SNX13: variants seen among roughly 807,000 people sequenced by gnomAD.
SNX13 encodes the protein sorting nexin-13.
Under a neutral mutation model 133.6 loss-of-function variants are expected in SNX13, and 45 were observed. The ratio of observed to expected loss-of-function variants is 0.34; its 90% CI spans 0.27 to 0.43. SNX13 has a LOEUF of 0.43. Among genes scored for constraint, SNX13 ranks in the 20% least tolerant of loss-of-function variants. The probability of loss-of-function intolerance (pLI) is 1.00; values close to 1 mark genes in which losing one functional copy is unlikely to be tolerated. For missense variants in SNX13, 1,032 were observed against 1,145.1 expected, an observed-to-expected ratio of 0.90 and a Z score of 1.43; for synonymous variants, 414 against 373.9, an observed-to-expected ratio of 1.11 and a Z score of -1.24.
At chr7:17,818,029 C>T (rs1475761954) in intron 18 of SNX13, among the ~76,000 whole-genome samples, 1 of 152,084 alleles carries the variant, frequency 6.6e-6, no homozygotes, top group Non-Finnish European at 1.5e-5. Context: ...TGACTGGTAT[C>T]CTATCAGAAA....
intron 15 of SNX13, chr7:17,831,078 T>C: frequency 2.0e-6 from 2 of 984,446 alleles, no homozygotes; most frequent in Non-Finnish European, 2.4e-6. Context: ...TCCTACCTCT[T>C]CTGTAGTGTG....
chr7:17,818,139 C>T (rs1199440249), intron 18 of SNX13, among the ~76,000 whole-genome samples: 1 of 152,052 alleles, frequency 6.6e-6, no homozygotes, highest in African/African-American at 2.4e-5. Flanking sequence ...AGCCAAGAAG[C>T]GAGGCCTCAC....
intron 12 of SNX13, among the ~76,000 whole-genome samples, chr7:17,841,749 A>G (rs1318995043): frequency 1.3e-5 from 2 of 152,074 alleles, no homozygotes; most frequent in African/African-American, 4.8e-5. Context: ...AAAAGACTAA[A>G]GAAAGATGTA....
chr7:17,829,597 G>C (rs1307156398), intron 16 of SNX13, among the ~76,000 whole-genome samples: 1 of 151,146 alleles, frequency 6.6e-6, no homozygotes, highest in Non-Finnish European at 1.5e-5. Flanking sequence ...ATCCCCACTA[G>C]TTTTGTATTT....
At position 17,821,558 on chromosome 7, in the gene SNX13, T is replaced by C. The variant is rs1457143488; in HGVS notation, c.1796A>G (p.Tyr599Cys). 3.1e-6 allele frequency: 5 copies of C among 1,613,570 alleles called. No homozygotes were observed. The highest frequency in any genetic ancestry group is 1.3e-5 in the African/African-American group (1 of 74,908). Residue 599 changes from tyrosine to cysteine, a missense_variant, in exon 18 of 26, where the codon TAT (tyrosine) becomes TGT (cysteine). Tyr to Cys is a radical substitution (Grantham distance 194). Transcript: ENST00000428135. ...GTCATGGAAGTCACTATAACGACGATAGGTTTTCCACATCTCCTCACTGTT... is the reference window on the plus strand; with the variant it reads ...GTCATGGAAGTCACTATAACGACGACAGGTTTTCCACATCTCCTCACTGTT... ...NLNSEEMWKTYRRYSDFHDFH... is the reference protein window; with the variant it reads ...NLNSEEMWKTCRRYSDFHDFH...
At chr7:17,816,667 A>AAACAAC (rs111526779) in intron 18 of SNX13, among the ~76,000 whole-genome samples, 10 of 152,168 alleles carry the variant, frequency 6.6e-5, no homozygotes, top group African/African-American at 2.2e-4. Flanking sequence ...CCGTCTCAAA[A>AAACAAC]AACAACAACA....
chr7:17,935,433 GATCA>G (rs1310393578), intron 1 of SNX13, among the ~76,000 whole-genome samples: 2 of 152,128 alleles, frequency 1.3e-5, no homozygotes, highest in Admixed American at 6.5e-5. Context: ...GAAATTTTTA[GATCA>G]ATTAAACAAC....
chr7:17,933,075 C>T (rs899657979), intron 1 of SNX13, among the ~76,000 whole-genome samples: 1 of 152,182 alleles, frequency 6.6e-6, no homozygotes, highest in Non-Finnish European at 1.5e-5. Flanking sequence ...CAATCTCCAG[C>T]ACGAGTTATA....
Position 17,798,692 on chromosome 7 carries a change from G to T in SNX13, c.2511C>A (p.Phe837Leu). The change falls in exon 24 of 26, where the codon TTC becomes TTA. Residue 837 changes from phenylalanine to leucine, a missense_variant and splice_region_variant. By Grantham distance (22) the Phe-to-Leu change is conservative (BLOSUM62 0). Coordinates refer to ENST00000428135, the MANE Select transcript of SNX13 (RefSeq NM_015132.5). The stretch of plus-strand genomic sequence containing the variant: ...AGTGACTGTGTCTTAAGATATACCT[G>T]AAACGTTTCACTGAGTCGGCTACTT... ...PEQVADSVKR[F>L]RDAFWPNGIL... 1 of 1,573,976 alleles carries T rather than the reference G, an allele frequency of 6.4e-7. No individual in the cohort carries two copies. Among genetic ancestry groups the T allele is most frequent in the African/African-American group, 1.4e-5 (1 of 73,722 alleles).
intron 5 of SNX13, among the ~76,000 whole-genome samples, chr7:17,886,604 T>C (rs556703636): frequency 6.6e-6 from 1 of 151,738 alleles, no homozygotes; most frequent in South Asian, 2.1e-4. Flanking sequence ...AAAAAAAGAA[T>C]ATATTATGTA....
rs1381677263 is a variant in SNX13, at chr7:17,897,425, A to T, written c.34T>A (p.Trp12Arg). Residue 12 changes from tryptophan (W) to arginine (R), a missense_variant, in exon 2 of 26, where the codon TGG becomes AGG. By Grantham distance (101) the Trp-to-Arg change is moderately radical (BLOSUM62 -3). Transcript: ENST00000428135. ...AAAAGGACAATGCCAAGGCTTCCCC[A>T]TCCCCATATGGATAGACTGGCCTGA... ...LTEASLSIWG[W>R]GSLGIVLFLI... 12 of 1,601,756 alleles carry T rather than the reference A, an allele frequency of 7.5e-6. No individual in the cohort carries two copies. The highest frequency in any genetic ancestry group is 1.0e-5 in the Non-Finnish European group (12 of 1,172,980).
chr7:17,871,701 G>C (rs1275207481), intron 8 of SNX13, among the ~76,000 whole-genome samples: 1 of 152,066 alleles, frequency 6.6e-6, no homozygotes, highest in Non-Finnish European at 1.5e-5. Flanking sequence ...CCTGCTCCTT[G>C]GCTATAAATC....
chr7:17,873,494 T>C, intron 8 of SNX13, 34 bp downstream of exon 8: 12 of 1,414,702 alleles, frequency 8.5e-6, no homozygotes, highest in Non-Finnish European at 1.0e-5. Context: ...CTACATTTTT[T>C]TGCAGGTATG....
chr7:17,822,676 C>T (rs868695175), intron 17 of SNX13, among the ~76,000 whole-genome samples: 10 of 152,080 alleles, frequency 6.6e-5, no homozygotes, highest in Middle Eastern at 3.2e-3. Context: ...CTATTAATTG[C>T]TTTCTGTAAG....
chr7:17,850,929 C>A lies in SNX13; in HGVS notation c.873G>T (p.Met291Ile). Residue 291 changes from methionine to isoleucine, a missense_variant, in exon 10 of 26, where the codon ATG becomes ATT. By Grantham distance (10) the Met-to-Ile change is conservative. Coordinates refer to ENST00000428135, the MANE Select transcript of SNX13 (RefSeq NM_015132.5). ...RDSNCNYEAF[M>I]NIIKLSDNIG... Reference sequence around the variant, plus strand: ...TATTGTCACTCAATTTAATAATGTTCATAAAGGCCTCATAGTTGCAGTTAG... The same window carrying A: ...TATTGTCACTCAATTTAATAATGTTAATAAAGGCCTCATAGTTGCAGTTAG... The A allele has an allele frequency of 6.2e-7, 1 of 1,608,546 alleles. No individual in the cohort carries two copies. The highest frequency in any genetic ancestry group is 1.1e-5 in the South Asian group (1 of 89,938).
chr7:17,897,636 ATGTATAGAGAGAT>A (rs1369370814), intron 1 of SNX13, among the ~76,000 whole-genome samples, 190 bp from the exon 2 acceptor site: 1 of 152,138 alleles, frequency 6.6e-6, no homozygotes, highest in Non-Finnish European at 1.5e-5. Flanking sequence ...CAAAATTTAT[ATGTATAGAGAGAT>A]TTACAGAGCA....
intron 1 of SNX13, among the ~76,000 whole-genome samples, chr7:17,911,678 AACG>A (rs1035408704): frequency 6.6e-6 from 1 of 152,026 alleles, no homozygotes; most frequent in Non-Finnish European, 1.5e-5. Context: ...TGCTTCCCAT[AACG>A]ACTTTACTTA....
intron 1 of SNX13, among the ~76,000 whole-genome samples, chr7:17,933,666 T>C (rs1410937851): frequency 6.6e-6 from 1 of 152,032 alleles, no homozygotes; most frequent in Admixed American, 6.6e-5. Flanking sequence ...GTCTCCCCTG[T>C]AACTGCACCA....
intron 1 of SNX13, among the ~76,000 whole-genome samples, chr7:17,900,913 A>G (rs929352146): frequency 6.6e-6 from 1 of 152,016 alleles, no homozygotes; most frequent in African/African-American, 2.4e-5. Context: ...CTGGAAATGT[A>G]CTAGGTCACA....
Sources: allele counts gnomAD v4.1 joint callset (sites outside exome capture counted in the v4.1 genomes callset), GRCh38; gene constraint gnomAD v4.1.1; transcripts MANE v1.5; gene names NCBI Gene and HGNC (gene_info 2026-07-23, HGNC 2026-07-21).